Variants in HYDIN observed in about 807,000 individuals in gnomAD.
The protein encoded by HYDIN is axonemal central pair apparatus protein HYDIN.
In HYDIN, 132 loss-of-function variants were observed where a neutral mutation model predicts 403.9. That is an observed-to-expected ratio of 0.33 (90% CI 0.28 to 0.38). The LOEUF (loss-of-function observed/expected upper bound fraction) is 0.38. HYDIN is among the 10% of genes least tolerant of loss of function. The pLI, the probability that HYDIN is intolerant of heterozygous loss-of-function variation, is 1.00. For synonymous variants in HYDIN, 1,202 were observed against 1,891.7 expected, an observed-to-expected ratio of 0.64 and a Z score of 9.46; for missense variants, 2,827 against 5,009.5, an observed-to-expected ratio of 0.56 and a Z score of 13.15.
chr16:71,183,161 G>A (rs1421223387), intron 3 of HYDIN, among the ~76,000 whole-genome samples: 1 of 152,054 alleles, frequency 6.6e-6, no homozygotes, highest in East Asian at 1.9e-4. Flanking sequence ...GAAGTGGTGA[G>A]AAGCGGGATG....
chr16:71,077,311 C>A (rs1329853426), intron 13 of HYDIN, among the ~76,000 whole-genome samples: 2 of 151,100 alleles, frequency 1.3e-5, no homozygotes, highest in South Asian at 4.2e-4. Flanking sequence ...GGGAATTAAC[C>A]AATTATCTTC....
Position 71,112,463 on chromosome 16 carries a change from TTAGA to T in HYDIN, c.1327+3229_1327+3232del, listed in dbSNP as rs1477540898. On this transcript the variant is annotated intron_variant, in intron 10 of 85. Coordinates refer to ENST00000393567, the MANE Select transcript of HYDIN (RefSeq NM_001270974.2). ...GAGAAAAAGAGAATGAATTATAAAA[TTAGA>T]TAGGAGTGAAGAAATAAGGAATTAG... is the stretch of plus-strand genomic sequence containing the variant. 6.7e-5 allele frequency among the ~76,000 whole-genome samples: 10 copies of T among 149,948 alleles called. 1 individual carries two copies. In the South Asian group the frequency reaches 1.7e-3, roughly 26 times the overall value.
chr16:71,110,470 TATATAA>T (rs2083783639), intron 10 of HYDIN, among the ~76,000 whole-genome samples: 2 of 139,110 alleles, frequency 1.4e-5, no homozygotes, highest in Non-Finnish European at 3.1e-5. Context: ...TATATAAACA[TATATAA>T]ATATATATAA....
chr16:71,154,573 A>C (rs1303665121), intron 6 of HYDIN, among the ~76,000 whole-genome samples: 23 of 80,480 alleles, frequency 2.9e-4, no homozygotes, highest in South Asian at 5.0e-4. Context: ...TACCCTTCCC[A>C]CCTCCAGTAA....
intron 71 of HYDIN, 24 bp from the exon 72 acceptor site, chr16:70,857,894 G>C: frequency 1.2e-6 from 2 of 1,610,056 alleles, no homozygotes; most frequent in Non-Finnish European, 1.7e-6. Context: ...TTGGAACAGA[G>C]TGGTAAAAGA....
chr16:71,113,961 C>T (rs2083924361), intron 10 of HYDIN: 1 of 150,790 alleles, frequency 6.6e-6, no homozygotes, highest in Non-Finnish European at 1.5e-5. Context: ...TTTGGGATTG[C>T]CTGATGTTTC....
chr16:70,812,410 A>C (rs1324929423), intron 84 of HYDIN, among the ~76,000 whole-genome samples: 1 of 152,186 alleles, frequency 6.6e-6, no homozygotes, highest in African/African-American at 2.4e-5. Flanking sequence ...AATCACTTGA[A>C]TCTGGGAGCT....
chr16:71,064,124 T>G (rs2082179774), intron 16 of HYDIN, among the ~76,000 whole-genome samples: 1 of 132,504 alleles, frequency 7.5e-6, no homozygotes, highest in African/African-American at 2.6e-5. Context: ...TGCATCTCAG[T>G]AGTAACCTTC....
At chr16:70,925,023 C>T (rs1372714072) in intron 45 of HYDIN, among the ~76,000 whole-genome samples, 2 of 152,236 alleles carry the variant, frequency 1.3e-5, no homozygotes, top group South Asian at 4.2e-4. Flanking sequence ...TAGCCCCGCC[C>T]TCCCAGGGAC....
At position 70,832,860 on chromosome 16, in the gene HYDIN, A is replaced by G; in HGVS notation, c.13887T>C (p.Pro4629=). 6.2e-7 allele frequency: 1 copy of G among 1,605,636 alleles called. No individual in the cohort carries two copies. The highest frequency in any genetic ancestry group is 8.5e-7 in the Non-Finnish European group (1 of 1,174,360). Reference sequence around the variant, plus strand: ...AGCAGCTACTAACCTCTTTTACCGCAGGTGGTCCCACGCAGACTCCAGACA... The same window carrying G: ...AGCAGCTACTAACCTCTTTTACCGCGGGTGGTCCCACGCAGACTCCAGACA... ...LTLSGVCVGP[P]AVKEVVNFTC... is the part of the protein sequence containing the mutation. The change falls in exon 80 of 86, where the codon CCT becomes CCC. Residue 4629 remains proline (P), a synonymous_variant. Coordinates refer to ENST00000393567, the MANE Select transcript of HYDIN (RefSeq NM_001270974.2).
chr16:70,892,645 A>G, intron 55 of HYDIN, 116 bp from the exon 56 acceptor site: 1 of 965,376 alleles, frequency 1.0e-6, no homozygotes, highest in Non-Finnish European at 1.5e-6. Flanking sequence ...TTTAGCCACT[A>G]CGTCCGGCGG....
intron 1 of HYDIN, among the ~76,000 whole-genome samples, chr16:71,213,775 C>T (rs1426984789): frequency 6.6e-6 from 1 of 152,018 alleles, no homozygotes; most frequent in Non-Finnish European, 1.5e-5. Context: ...ATAGAAGTAA[C>T]TTCCCCAAAC....
At chr16:70,991,519 T>A in intron 24 of HYDIN, 123 bp from the exon 25 acceptor site, 3 of 1,462,722 alleles carry the variant, frequency 2.1e-6, no homozygotes, top group Non-Finnish European at 2.7e-6. Context: ...TAAGGGGGAT[T>A]CTCAATCAAG....
Position 70,992,101 on chromosome 16 carries a change from A to C in HYDIN, c.3754T>G (p.Ser1252Ala), listed in dbSNP as rs924032523. 20 of 1,613,266 alleles carry C rather than the reference A, an allele frequency of 1.2e-5. No homozygotes were observed. Among genetic ancestry groups the C allele is most frequent in the Non-Finnish European group, 1.6e-5 (19 of 1,179,756 alleles). ...AAATCATTTAAATCCATCTCGGGGG[A>C]CTCTACTGTAACTAGGATTGCTGGT... is the stretch of plus-strand genomic sequence containing the variant. The part of the protein sequence containing the change: ...SPPAILVTVE[S>A]PEMDLNDFVK... The change falls in exon 24 of 86, where the codon TCC becomes GCC. Residue 1252 changes from serine (S) to alanine (A), a missense_variant. Transcript: ENST00000393567.
chr16:70,883,786 G>C (rs1324249865), intron 59 of HYDIN, 134 bp downstream of exon 59: 5 of 1,044,488 alleles, frequency 4.8e-6, no homozygotes, highest in Non-Finnish European at 7.0e-6. Flanking sequence ...GGCCAGGCTG[G>C]TCTCAAACTC....
At chr16:71,072,302 A>T (rs1426656568) in intron 13 of HYDIN, among the ~76,000 whole-genome samples, 7 of 148,170 alleles carry the variant, frequency 4.7e-5, no homozygotes, top group Non-Finnish European at 1.5e-5. Flanking sequence ...CCATATCCAG[A>T]AACATTGTAC....
intron 84 of HYDIN, 59 bp downstream of exon 84, chr16:70,818,283 C>T (rs2035976895): frequency 4.7e-6 from 5 of 1,074,984 alleles, no homozygotes; most frequent in Non-Finnish European, 7.0e-6. Flanking sequence ...CCAGAGATCT[C>T]ATGGGTGGAA....
intron 1 of HYDIN, among the ~76,000 whole-genome samples, chr16:71,227,568 C>A (rs1419316030): frequency 1.3e-5 from 2 of 152,106 alleles, no homozygotes. Flanking sequence ...TTCACAATTG[C>A]TTCAAAGAGA....
chr16:71,213,252 G>T (rs973613931), intron 1 of HYDIN, among the ~76,000 whole-genome samples: 1 of 152,076 alleles, frequency 6.6e-6, no homozygotes, highest in Non-Finnish European at 1.5e-5. Context: ...AATGGCGGGG[G>T]AAACATGGTC....
Sources: allele counts gnomAD v4.1 joint callset (sites outside exome capture counted in the v4.1 genomes callset), GRCh38; gene constraint gnomAD v4.1.1; transcripts MANE v1.5; gene names NCBI Gene and HGNC (gene_info 2026-07-23, HGNC 2026-07-21).